Variants in ACACA observed in about 807,000 individuals in gnomAD.
ACACA encodes the protein acetyl-CoA carboxylase 1.
A neutral mutation model predicts 296.1 loss-of-function variants in ACACA; 103 were observed. That is an observed-to-expected ratio of 0.35 (90% CI 0.30 to 0.41). The LOEUF is 0.41. Among genes scored for constraint, ACACA ranks in the 10% least tolerant of loss-of-function variants. ACACA has a pLI of 1.00. For synonymous variants in ACACA, 953 were observed against 1,038.6 expected, an observed-to-expected ratio of 0.92 and a Z score of 1.58; for missense variants, 1,554 against 2,989.7, an observed-to-expected ratio of 0.52 and a Z score of 11.20.
At position 37,397,059 on chromosome 17, in the gene ACACA, G is replaced by A. The variant is rs533431688; in HGVS notation, c.38+9203C>T. On this transcript the variant is annotated intron_variant, in intron 1 of 55. Coordinates refer to ENST00000616317, the MANE Select transcript of ACACA (RefSeq NM_198834.3). Reference sequence around the variant, plus strand: ...CCCATCCCCCCACCCCACGACAGGCGCTGATGTGTGATGTTCCCAGCCCTG... The same window carrying A: ...CCCATCCCCCCACCCCACGACAGGCACTGATGTGTGATGTTCCCAGCCCTG... Among the ~76,000 whole-genome samples, 39 of 148,526 alleles carry A rather than the reference G, an allele frequency of 2.6e-4. No individual in the cohort carries two copies. In the South Asian group the frequency reaches 7.6e-3, roughly 29 times the overall value.
At chr17:37,136,544 C>T (rs1310291472) in intron 45 of ACACA, among the ~76,000 whole-genome samples, 1 of 152,136 alleles carries the variant, frequency 6.6e-6, no homozygotes, top group Non-Finnish European at 1.5e-5. Context: ...AAAAGCCCAA[C>T]CTTTTTCAAA....
At chr17:37,141,124 C>G (rs1176778893) in intron 45 of ACACA, 2 of 469,920 alleles carry the variant, frequency 4.3e-6, no homozygotes, top group Non-Finnish European at 8.3e-6. Context: ...GATGTGCTGG[C>G]AAGCACGCGT....
chr17:37,321,102 A>G (rs139193031), intron 3 of ACACA, among the ~76,000 whole-genome samples: 106 of 152,254 alleles, frequency 7.0e-4, no homozygotes, highest in African/African-American at 2.0e-3. Flanking sequence ...TATTACCATT[A>G]TTTTTCTAAT....
intron 1 of ACACA, among the ~76,000 whole-genome samples, chr17:37,351,359 A>G (rs999769966): frequency 1.3e-5 from 2 of 152,168 alleles, no homozygotes; most frequent in Non-Finnish European, 2.9e-5. Context: ...GCTACATGGG[A>G]GGCTGAGGCA....
Position 37,229,698 on chromosome 17 carries a change from A to C in ACACA, c.3247-3246T>G, listed in dbSNP as rs550614487. Among the ~76,000 whole-genome samples the C allele has an allele frequency of 2.6e-5, 4 of 152,246 alleles. No individual in the cohort carries two copies. The East Asian group carries it at 5.8e-4, about 22-fold the overall frequency. ...CACTTTTTTATTTTATCTTTCCACTATGAGAGAAAGGCAGTAAAAAAGGGC... is the reference window on the plus strand; with the variant it reads ...CACTTTTTTATTTTATCTTTCCACTCTGAGAGAAAGGCAGTAAAAAAGGGC... On this transcript the variant is annotated intron_variant, in intron 25 of 55. Coordinates refer to ENST00000616317, the MANE Select transcript of ACACA (RefSeq NM_198834.3).
intron 42 of ACACA, among the ~76,000 whole-genome samples, chr17:37,158,500 C>T (rs1373817259): frequency 2.0e-5 from 3 of 152,042 alleles, no homozygotes; most frequent in Non-Finnish European, 4.4e-5. Flanking sequence ...CATGCTGGTG[C>T]ATGGTTGTAG....
At chr17:37,108,976 T>G (rs2073841894) in intron 52 of ACACA, among the ~76,000 whole-genome samples, 1 of 152,248 alleles carries the variant, frequency 6.6e-6, no homozygotes, top group Admixed American at 6.5e-5. Flanking sequence ...CATTCTGGAC[T>G]CTGATGTACA....
chr17:37,094,401 GA>G (rs1347904221), intron 54 of ACACA, among the ~76,000 whole-genome samples: 2 of 152,158 alleles, frequency 1.3e-5, no homozygotes, highest in African/African-American at 2.4e-5. Context: ...GGAACAAAAA[GA>G]ACACAAGGCA....
chr17:37,093,080 T>A (rs1809208641), intron 54 of ACACA, among the ~76,000 whole-genome samples: 1 of 152,120 alleles, frequency 6.6e-6, no homozygotes, highest in South Asian at 2.1e-4. Flanking sequence ...CTACCTTACC[T>A]CCTCCCTGCC....
intron 1 of ACACA, among the ~76,000 whole-genome samples, chr17:37,390,175 T>TATATACACAC (rs60788220): frequency 9.4e-4 from 42 of 44,502 alleles, no homozygotes; most frequent in Admixed American, 1.3e-3. Flanking sequence ...TATATATATA[T>TATATACACAC]ACACACACAC....
In ACACA at chr17:37,154,926, A is replaced by C. The variant is rs542510108; in HGVS notation, c.5447+757T>G. Among the ~76,000 whole-genome samples, 1,049 of 152,362 alleles carry C rather than the reference A, an allele frequency of 6.9e-3. 12 individuals are homozygous for C. Among genetic ancestry groups the C allele is most frequent in the Non-Finnish European group, 9.9e-3 (675 of 68,026 alleles). On this transcript the variant is annotated intron_variant, in intron 43 of 55. Transcript: ENST00000616317. The stretch of plus-strand genomic sequence containing the variant: ...TCCATTTTATTAATTGATAATAATC[A>C]ATGTTGGCAGGGGTGAAGAAAAATT...
chr17:37,145,653 C>G (rs2075778522), intron 45 of ACACA, among the ~76,000 whole-genome samples: 1 of 152,206 alleles, frequency 6.6e-6, no homozygotes, highest in South Asian at 2.1e-4. Flanking sequence ...GAAACTAAGT[C>G]ACTTTCCCTT....
At chr17:37,349,826 T>G (rs2048814482) in intron 1 of ACACA, among the ~76,000 whole-genome samples, 1 of 152,104 alleles carries the variant, frequency 6.6e-6, no homozygotes, top group Non-Finnish European at 1.5e-5. Flanking sequence ...CCCAAAGTGC[T>G]GGGATTACAG....
At chr17:37,222,036 A>C in intron 28 of ACACA, 194 bp from the exon 29 acceptor site, 1 of 603,192 alleles carries the variant, frequency 1.7e-6, no homozygotes, top group Middle Eastern at 4.5e-4. Flanking sequence ...AACCATGACT[A>C]CTAATGAAAA....
At chr17:37,342,373 G>A (rs1225586384) in intron 1 of ACACA, among the ~76,000 whole-genome samples, 5 of 114,046 alleles carry the variant, frequency 4.4e-5, no homozygotes, top group South Asian at 3.1e-4. Context: ...GCACCACTGC[G>A]CTCCAGGCTG....
intron 3 of ACACA, among the ~76,000 whole-genome samples, chr17:37,309,375 T>A (rs1442031443): frequency 6.6e-6 from 1 of 152,046 alleles, no homozygotes; most frequent in African/African-American, 2.4e-5. Flanking sequence ...AAATGATGAG[T>A]ATACAGCTAT....
At position 37,402,915 on chromosome 17, in the gene ACACA, G is replaced by A. The variant is rs942449143; in HGVS notation, c.38+3347C>T. Reference sequence around the variant, plus strand: ...TCTCGATCTCCTGACCTCGTGATCCGCCCGCCTCAGCCTCCCAAAGTGCTG... The same window carrying A: ...TCTCGATCTCCTGACCTCGTGATCCACCCGCCTCAGCCTCCCAAAGTGCTG... On this transcript the variant is annotated intron_variant, in intron 1 of 55. Transcript: ENST00000616317. Among the ~76,000 whole-genome samples, 22 of 152,100 alleles carry A rather than the reference G, an allele frequency of 1.4e-4. 1 individual carries two copies. Among genetic ancestry groups the A allele is most frequent in the East Asian group, 1.9e-4 (1 of 5,162 alleles).
intron 52 of ACACA, among the ~76,000 whole-genome samples, chr17:37,104,266 G>A (rs952380710): frequency 5.9e-5 from 9 of 152,174 alleles, no homozygotes; most frequent in Non-Finnish European, 1.0e-4. Context: ...AAGTCCCCAT[G>A]AAATCCTAAA....
Position 37,385,626 on chromosome 17 carries a change from CTG to C in ACACA, c.38+20634_38+20635del, listed in dbSNP as rs1307694009. Among the ~76,000 whole-genome samples the C allele has an allele frequency of 3.9e-5, 6 of 152,140 alleles. No homozygotes were observed. The East Asian group carries it at 1.2e-3, about 29-fold the overall frequency. ...CACTTGCAGCAGTCATTAAGGCTAA[CTG>C]TGATATTTCATGTTCTTCCTTGGAC... On this transcript the variant is annotated intron_variant, in intron 1 of 55. Transcript: ENST00000616317.
Sources: allele counts gnomAD v4.1 joint callset (sites outside exome capture counted in the v4.1 genomes callset), GRCh38; gene constraint gnomAD v4.1.1; transcripts MANE v1.5; gene names NCBI Gene and HGNC (gene_info 2026-07-23, HGNC 2026-07-21).